The following SNTB2 variants were observed in gnomAD, a reference collection of about 807,000 sequenced individuals.
SNTB2 encodes syntrophin beta 2.
Under a neutral mutation model 46.2 loss-of-function variants are expected in SNTB2, and 34 were observed. The observed-to-expected ratio is 0.74, with a 90% CI of 0.56 to 0.98. SNTB2 has a LOEUF of 0.98. SNTB2 is among the 50% of genes least tolerant of loss of function. The pLI is 0.00. For synonymous variants in SNTB2, 290 were observed against 312.6 expected (o/e 0.93, Z 0.76); for missense variants, 603 against 731.4 (o/e 0.82, Z 2.02).
chr16:69,263,403 C>A (rs1597191514), intron 3 of SNTB2, among the ~76,000 whole-genome samples: 1 of 151,826 alleles, frequency 6.6e-6, no homozygotes, highest in African/African-American at 2.4e-5. Flanking sequence ...AGCCACTGTG[C>A]CCAGCCTGGG....
chr16:69,220,000 T>G (rs1964385601), intron 1 of SNTB2, among the ~76,000 whole-genome samples: 1 of 151,864 alleles, frequency 6.6e-6, no homozygotes. Context: ...TCTGCCTGCC[T>G]TGGCCTCCCA....
chr16:69,188,939 G>T (rs1205685476), intron 1 of SNTB2, among the ~76,000 whole-genome samples: 1 of 152,174 alleles, frequency 6.6e-6, no homozygotes, highest in African/African-American at 2.4e-5. Flanking sequence ...TCCAAGAAGT[G>T]ATGGACATAG....
chr16:69,197,124 A>G (rs1178354164), intron 1 of SNTB2, among the ~76,000 whole-genome samples: 1 of 152,206 alleles, frequency 6.6e-6, no homozygotes, highest in Non-Finnish European at 1.5e-5. Flanking sequence ...TGTAAGCCCC[A>G]AAGATTTTAC....
At chr16:69,249,991 C>T (rs1342108116) in intron 2 of SNTB2, among the ~76,000 whole-genome samples, 1 of 151,800 alleles carries the variant, frequency 6.6e-6, no homozygotes, top group Non-Finnish European at 1.5e-5. Flanking sequence ...CCCAGCTATT[C>T]GGGAGGCTGA....
chr16:69,280,804 T>C (rs1237766456), intron 4 of SNTB2, among the ~76,000 whole-genome samples: 2 of 135,408 alleles, frequency 1.5e-5, no homozygotes, highest in Admixed American at 7.3e-5. Context: ...CATTCTCTCT[T>C]TTTTTTTTTT....
chr16:69,299,632 A>G lies in SNTB2; in HGVS notation c.1388A>G (p.Tyr463Cys). The change falls in exon 6 of 7, where the codon TAT becomes TGT. Residue 463 changes from tyrosine to cysteine, a missense_variant. Physicochemically the swap from Tyr to Cys is radical, Grantham distance 194. Coordinates refer to ENST00000336278, the MANE Select transcript of SNTB2 (RefSeq NM_006750.4). ...CAAGAGGTGAGGCTTACTATTCACTATGAAAATGGGTTCACCATCTCAAGG... is the reference window on the plus strand; with the variant it reads ...CAAGAGGTGAGGCTTACTATTCACTGTGAAAATGGGTTCACCATCTCAAGG... ...NGQEVRLTIH[Y>C]ENGFTISREN... 1.9e-6 allele frequency: 3 copies of G among 1,614,196 alleles called. No homozygotes were observed. Among genetic ancestry groups the G allele is most frequent in the East Asian group, 2.2e-5 (1 of 44,880 alleles).
intron 2 of SNTB2, among the ~76,000 whole-genome samples, chr16:69,253,056 C>T (rs1390910522): frequency 3.3e-5 from 5 of 151,848 alleles, no homozygotes; most frequent in African/African-American, 9.7e-5. Flanking sequence ...CCTGCCACCA[C>T]GCCCAGCTAA....
At chr16:69,235,516 TAG>T (rs1295379615) in intron 1 of SNTB2, among the ~76,000 whole-genome samples, 1 of 152,150 alleles carries the variant, frequency 6.6e-6, no homozygotes, top group African/African-American at 2.4e-5. Context: ...TGGAGTTTTT[TAG>T]AGACTTTAAT....
chr16:69,256,498 C>T (rs1325030191), intron 2 of SNTB2, among the ~76,000 whole-genome samples: 1 of 152,190 alleles, frequency 6.6e-6, no homozygotes, highest in Admixed American at 6.5e-5. Flanking sequence ...ACCCTTCCTT[C>T]AGCTCCTGGC....
At chr16:69,292,523 C>G in intron 5 of SNTB2, among the ~76,000 whole-genome samples, 1 of 142,238 alleles carries the variant, frequency 7.0e-6, no homozygotes, top group Non-Finnish European at 1.5e-5. Context: ...CTCACTGCAA[C>G]CTCCGCCTCC....
At position 69,299,745 on chromosome 16, in the gene SNTB2, T is replaced by G; in HGVS notation, c.1501T>G (p.Leu501Val). 6.2e-7 allele frequency: 1 copy of G among 1,614,154 alleles called. No homozygotes were observed. Among genetic ancestry groups the G allele is most frequent in the African/African-American group, 1.3e-5 (1 of 75,050 alleles). Residue 501 changes from leucine to valine, a missense_variant, in exon 6 of 7, where the codon TTG becomes GTG. Physicochemically the swap from Leu to Val is conservative, Grantham distance 32 (BLOSUM62 1). Coordinates refer to ENST00000336278, the MANE Select transcript of SNTB2 (RefSeq NM_006750.4). ...TGATGATGGCATCCGAAATCTATACTTGGATTTTGGTGGTCCCGAGGGAGA... is the reference window on the plus strand; with the variant it reads ...TGATGATGGCATCCGAAATCTATACGTGGATTTTGGTGGTCCCGAGGGAGA... ...SADDGIRNLY[L>V]DFGGPEGELT...
intron 3 of SNTB2, among the ~76,000 whole-genome samples, chr16:69,263,497 C>T (rs760876564): frequency 1.3e-5 from 2 of 151,660 alleles, no homozygotes; most frequent in South Asian, 4.2e-4. Context: ...TGGCTCACTA[C>T]TATCTCCGCC....
At chr16:69,227,543 C>T (rs759544417) in intron 1 of SNTB2, among the ~76,000 whole-genome samples, 8 of 152,202 alleles carry the variant, frequency 5.3e-5, no homozygotes, top group Non-Finnish European at 1.0e-4. Context: ...TCTACACAAA[C>T]CGCAACACAG....
chr16:69,223,174 C>G (rs912704737), intron 1 of SNTB2, among the ~76,000 whole-genome samples: 4 of 150,992 alleles, frequency 2.6e-5, no homozygotes, highest in African/African-American at 9.8e-5. Flanking sequence ...CTTGCATAAC[C>G]ATTATCAAAA....
intron 4 of SNTB2, among the ~76,000 whole-genome samples, chr16:69,281,929 G>A (rs1412071128): frequency 6.9e-6 from 1 of 144,068 alleles, no homozygotes; most frequent in Non-Finnish European, 1.5e-5. Context: ...TTTTGAGAGG[G>A]AGTCTCGCTC....
At chr16:69,262,609 A>G (rs1456965364) in intron 3 of SNTB2, among the ~76,000 whole-genome samples, 2 of 152,174 alleles carry the variant, frequency 1.3e-5, no homozygotes, top group Non-Finnish European at 2.9e-5. Flanking sequence ...TAACATATCC[A>G]TCACCTCAAA....
At chr16:69,263,197 C>T (rs1290749495) in intron 3 of SNTB2, among the ~76,000 whole-genome samples, 6 of 151,682 alleles carry the variant, frequency 4.0e-5, no homozygotes, top group Non-Finnish European at 7.4e-5. Flanking sequence ...GCCTCAACCT[C>T]CTGGGCCCAA....
At chr16:69,207,998 A>G (rs1964241624) in intron 1 of SNTB2, among the ~76,000 whole-genome samples, 2 of 142,788 alleles carry the variant, frequency 1.4e-5, no homozygotes, top group South Asian at 4.3e-4. Context: ...AATCCCAGCT[A>G]CTTGGGAGGC....
At chr16:69,215,925 C>G (rs1964342577) in intron 1 of SNTB2, among the ~76,000 whole-genome samples, 1 of 152,038 alleles carries the variant, frequency 6.6e-6, no homozygotes, top group Non-Finnish European at 1.5e-5. Flanking sequence ...ACCTCAGCCT[C>G]CTGAGTAGCT....
Sources: gnomAD v4.1 joint callset for allele counts (sites outside exome capture counted in the v4.1 genomes callset) on GRCh38, gnomAD v4.1.1 for gene constraint, MANE v1.5 for transcripts, NCBI Gene and HGNC (gene_info 2026-07-23, HGNC 2026-07-21) for gene names.